KIRREL1: variants seen among roughly 807,000 people sequenced by gnomAD.
KIRREL1 encodes kin of IRRE-like protein 1.
KIRREL1 carries 25 observed loss-of-function variants against 83.3 expected under a neutral mutation model. The ratio of observed to expected loss-of-function variants is 0.30; its 90% CI spans 0.22 to 0.42. KIRREL1 has a LOEUF of 0.42. Among genes scored for constraint, KIRREL1 ranks in the 10% least tolerant of loss-of-function variants. The pLI, the probability that KIRREL1 is intolerant of heterozygous loss-of-function variation, is 1.00. For synonymous variants in KIRREL1, 388 were observed against 410.4 expected, an observed-to-expected ratio of 0.95 and a Z score of 0.66; for missense variants, 812 against 1,032.3, an observed-to-expected ratio of 0.79 and a Z score of 2.92.
chr1:158,026,614 C>A (rs1571547210), intron 1 of KIRREL1, among the ~76,000 whole-genome samples: 1 of 152,280 alleles, frequency 6.6e-6, no homozygotes, highest in Non-Finnish European at 1.5e-5. Flanking sequence ...TAACCAAGTG[C>A]CAGATACCCT....
At chr1:158,022,421 A>G (rs1193943805) in intron 1 of KIRREL1, among the ~76,000 whole-genome samples, 1 of 152,184 alleles carries the variant, frequency 6.6e-6, no homozygotes, top group African/African-American at 2.4e-5. Context: ...AAGGGATGCA[A>G]ACTGCCCAGT....
Position 158,088,442 on chromosome 1 carries a change from G to A in KIRREL1, c.1032G>A (p.Lys344=), listed in dbSNP as rs1305051426. 3 of 1,547,776 alleles carry A rather than the reference G, an allele frequency of 1.9e-6. No homozygotes were observed. Among genetic ancestry groups the A allele is most frequent in the East Asian group, 2.3e-5 (1 of 43,582 alleles). Residue 344 remains lysine (K), a synonymous_variant, in exon 8 of 15, where the codon AAG becomes AAA. Coordinates refer to ENST00000359209, the MANE Select transcript of KIRREL1 (RefSeq NM_018240.7). ...CCCTCACTCTCACCTGGACCAAAAA[G>A]GACTCAAATATGGTAAGACTCTTAC... ...NPPLTLTWTK[K]DSNMVLSNSN... is the part of the protein sequence containing the mutation.
rs1661673785 is a variant in KIRREL1 at position 158,076,109 on chromosome 1, G to T, written c.53-4G>T. 3 of 1,613,242 alleles carry T rather than the reference G, an allele frequency of 1.9e-6. No individual in the cohort carries two copies. The highest frequency in any genetic ancestry group is 4.5e-5 in the East Asian group (2 of 44,872). On this transcript the variant is annotated splice_region_variant and splice_polypyrimidine_tract_variant and intron_variant, in intron 1 of 14. Transcript: ENST00000359209. ...CTTACCCAGTGCTGGCTTTGGCTTT[G>T]CAGGGACCCAGACCCGCTTCAGCCA...
chr1:158,038,301 A>G (rs370029110), intron 1 of KIRREL1, among the ~76,000 whole-genome samples: 74 of 152,264 alleles, frequency 4.9e-4, no homozygotes, highest in African/African-American at 1.7e-3. Context: ...GGTAGGGGTC[A>G]CTGTAATGAG....
At chr1:158,004,651 C>T (rs576396051) in intron 1 of KIRREL1, among the ~76,000 whole-genome samples, 346 of 152,264 alleles carry the variant, frequency 2.3e-3, no homozygotes, top group African/African-American at 7.6e-3. Flanking sequence ...TCATTTTAAA[C>T]CCTGTCTTTC....
intron 1 of KIRREL1, among the ~76,000 whole-genome samples, chr1:157,998,362 G>C (rs916784838): frequency 3.3e-5 from 5 of 152,146 alleles, no homozygotes; most frequent in African/African-American, 7.2e-5. Flanking sequence ...TTTCATAAAG[G>C]TAAACTCATT....
intron 1 of KIRREL1, among the ~76,000 whole-genome samples, chr1:158,029,355 GTGTGTGTGTGTGCA>G (rs1660255878): frequency 1.3e-5 from 2 of 149,444 alleles, no homozygotes; most frequent in African/African-American, 2.5e-5. Flanking sequence ...GTGTGTGTGT[GTGTGTGTGTGTGCA>G]CGTGCGCGCG....
intron 1 of KIRREL1, among the ~76,000 whole-genome samples, chr1:158,043,806 C>G (rs1043805781): frequency 6.6e-6 from 1 of 152,046 alleles, no homozygotes; most frequent in Non-Finnish European, 1.5e-5. Context: ...GGCAGGGAGC[C>G]GTGAACAGCA....
intron 1 of KIRREL1, among the ~76,000 whole-genome samples, chr1:158,040,963 G>C (rs1220668110): frequency 1.3e-5 from 2 of 152,078 alleles, no homozygotes; most frequent in Non-Finnish European, 2.9e-5. Context: ...TCTAGGGGTA[G>C]GGGGAGCTGG....
chr1:158,050,461 C>A (rs138576821), intron 1 of KIRREL1, among the ~76,000 whole-genome samples: 3 of 152,078 alleles, frequency 2.0e-5, no homozygotes, highest in Non-Finnish European at 2.9e-5. Context: ...TTCACTCCCC[C>A]CTTTCCTCCC....
chr1:158,020,840 AAAAG>A (rs1307696444), intron 1 of KIRREL1, among the ~76,000 whole-genome samples: 8 of 152,212 alleles, frequency 5.3e-5, no homozygotes, highest in African/African-American at 1.9e-4. Flanking sequence ...TCCAAAGCCA[AAAAG>A]AAATAACTTT....
chr1:158,058,038 G>T (rs1413695234), intron 1 of KIRREL1, among the ~76,000 whole-genome samples: 1 of 152,220 alleles, frequency 6.6e-6, no homozygotes. Flanking sequence ...TGAGTTGGGG[G>T]CTTGCGATTT....
chr1:158,093,912 T>A, intron 13 of KIRREL1, 150 bp downstream of exon 13: 2 of 835,580 alleles, frequency 2.4e-6, no homozygotes, highest in South Asian at 3.4e-5. Flanking sequence ...CTCACACACA[T>A]TCTCTCACAC....
intron 1 of KIRREL1, among the ~76,000 whole-genome samples, chr1:158,029,337 CTGTGTGTG>C (rs60980289): frequency 2.0e-4 from 14 of 69,262 alleles, no homozygotes; most frequent in African/African-American, 5.8e-4. Flanking sequence ...TAACAAAAAC[CTGTGTGTG>C]TGTGTGTGTG....
At chr1:158,086,058 G>C (rs1161656846) in intron 4 of KIRREL1, among the ~76,000 whole-genome samples, 3 of 152,192 alleles carry the variant, frequency 2.0e-5, no homozygotes, top group African/African-American at 4.8e-5. Context: ...CTCACAAAGA[G>C]TGAACTCTAA....
intron 10 of KIRREL1, 67 bp from the exon 11 acceptor site, chr1:158,091,291 G>A: frequency 2.7e-6 from 4 of 1,465,488 alleles, no homozygotes; most frequent in Non-Finnish European, 3.8e-6. Flanking sequence ...GTGGATCAGG[G>A]GACACGTGGG....
chr1:158,035,608 A>G (rs753931226), intron 1 of KIRREL1, among the ~76,000 whole-genome samples: 4 of 152,116 alleles, frequency 2.6e-5, no homozygotes, highest in Non-Finnish European at 5.9e-5. Context: ...TACTCACCCT[A>G]TGTTCTGGAT....
At chr1:158,009,926 T>C (rs1462627086) in intron 1 of KIRREL1, among the ~76,000 whole-genome samples, 1 of 152,210 alleles carries the variant, frequency 6.6e-6, no homozygotes, top group Non-Finnish European at 1.5e-5. Flanking sequence ...GGAACATCTA[T>C]ATTCAGGAGG....
At chr1:158,069,139 C>G (rs909676994) in intron 1 of KIRREL1, among the ~76,000 whole-genome samples, 2 of 152,224 alleles carry the variant, frequency 1.3e-5, no homozygotes, top group South Asian at 4.2e-4. Flanking sequence ...GGGAACATGA[C>G]CATCAGGGCA....
Sources: gnomAD v4.1 joint callset for allele counts (sites outside exome capture counted in the v4.1 genomes callset) on GRCh38, gnomAD v4.1.1 for gene constraint, MANE v1.5 for transcripts, NCBI Gene and HGNC (gene_info 2026-07-23, HGNC 2026-07-21) for gene names.